The following SH3RF3 variants were observed in gnomAD, a reference collection of about 807,000 sequenced individuals.
SH3RF3 encodes E3 ubiquitin-protein ligase SH3RF3.
In SH3RF3, 29 loss-of-function variants were observed where a neutral mutation model predicts 66.3. The observed-to-expected ratio is 0.44, with a 90% CI of 0.33 to 0.60. The LOEUF (loss-of-function observed/expected upper bound fraction) is 0.60, where lower values mean the gene tolerates loss of function less well. Among genes scored for constraint, SH3RF3 ranks in the 20% least tolerant of loss-of-function variants. The pLI is 0.04. For missense variants in SH3RF3, 1,194 were observed against 1,190.9 expected (o/e 1.00, Z -0.04); for synonymous variants, 583 against 532.0 (o/e 1.10, Z -1.32).
At chr2:109,394,542 G>A (rs1676088929) in intron 3 of SH3RF3, among the ~76,000 whole-genome samples, 2 of 152,346 alleles carry the variant, frequency 1.3e-5, no homozygotes, top group South Asian at 4.1e-4. Flanking sequence ...AAGTTACCGA[G>A]ATGTTTAAAA....
intron 1 of SH3RF3, among the ~76,000 whole-genome samples, chr2:109,273,299 C>G (rs910629801): frequency 6.6e-6 from 1 of 152,224 alleles, no homozygotes; most frequent in Non-Finnish European, 1.5e-5. Flanking sequence ...ACTCAGGGCC[C>G]TGGAGGCAGA....
At chr2:109,343,999 C>T (rs1412583351) in intron 1 of SH3RF3, among the ~76,000 whole-genome samples, 1 of 152,200 alleles carries the variant, frequency 6.6e-6, no homozygotes, top group African/African-American at 2.4e-5. Flanking sequence ...CATCCTCAGC[C>T]TCCCAAAGTG....
intron 1 of SH3RF3, among the ~76,000 whole-genome samples, chr2:109,225,084 GACCA>G (rs1216512331): frequency 6.6e-6 from 1 of 152,226 alleles, no homozygotes; most frequent in East Asian, 1.9e-4. Flanking sequence ...TTTTCGTTTA[GACCA>G]ACCAACTAAG....
chr2:109,255,547 A>G (rs1178035974), intron 1 of SH3RF3, among the ~76,000 whole-genome samples: 2 of 152,230 alleles, frequency 1.3e-5, no homozygotes, highest in African/African-American at 2.4e-5. Context: ...AATCATCTTG[A>G]TAGTTGTTCT....
intron 5 of SH3RF3, among the ~76,000 whole-genome samples, chr2:109,431,948 C>T (rs1677230555): frequency 6.6e-6 from 1 of 152,154 alleles, no homozygotes; most frequent in Admixed American, 6.5e-5. Context: ...CTAACTTAAC[C>T]ACCTTTCCCT....
intron 1 of SH3RF3, among the ~76,000 whole-genome samples, chr2:109,265,458 C>T (rs1680466786): frequency 1.3e-5 from 2 of 152,230 alleles, no homozygotes. Context: ...GCCCCCACCT[C>T]CCAGCGTGGA....
chr2:109,230,830 C>G (rs1679489422), intron 1 of SH3RF3, among the ~76,000 whole-genome samples: 2 of 152,170 alleles, frequency 1.3e-5, no homozygotes, highest in South Asian at 4.1e-4. Flanking sequence ...ATAAAAAATT[C>G]CACTTCATTT....
intron 1 of SH3RF3, among the ~76,000 whole-genome samples, chr2:109,324,274 T>G (rs1682097403): frequency 6.6e-6 from 1 of 152,198 alleles, no homozygotes; most frequent in Admixed American, 6.5e-5. Context: ...TGACTATTGA[T>G]GTACAAGTTT....
intron 1 of SH3RF3, among the ~76,000 whole-genome samples, chr2:109,141,268 G>A (rs945841052): frequency 7.2e-5 from 11 of 152,280 alleles, no homozygotes; most frequent in South Asian, 2.1e-4. Context: ...TGGGCCGTGC[G>A]CATTCCTGGC....
chr2:109,210,564 A>G (rs12619389), intron 1 of SH3RF3, among the ~76,000 whole-genome samples: 42,704 of 152,044 alleles, frequency 0.28, 6,350 homozygotes, highest in East Asian at 0.46. Flanking sequence ...CTCAGGGCAA[A>G]TGGCCTAAGC....
intron 2 of SH3RF3, among the ~76,000 whole-genome samples, chr2:109,371,160 G>A (rs371642914): frequency 6.8e-4 from 103 of 152,262 alleles, no homozygotes; most frequent in African/African-American, 2.0e-3. Flanking sequence ...AGGCCAAGGC[G>A]GGCAGATTGC....
At chr2:109,253,734 G>A (rs1680151969) in intron 1 of SH3RF3, among the ~76,000 whole-genome samples, 1 of 152,108 alleles carries the variant, frequency 6.6e-6, no homozygotes, top group African/African-American at 2.4e-5. Flanking sequence ...GGTTATTAAA[G>A]CACCAGGCCA....
At chr2:109,200,900 C>A (rs1464833440) in intron 1 of SH3RF3, among the ~76,000 whole-genome samples, 3 of 152,194 alleles carry the variant, frequency 2.0e-5, no homozygotes, top group Non-Finnish European at 4.4e-5. Flanking sequence ...TCATGTCACT[C>A]CTCCTTGGGC....
At chr2:109,155,473 T>C (rs1339545965) in intron 1 of SH3RF3, among the ~76,000 whole-genome samples, 1 of 152,132 alleles carries the variant, frequency 6.6e-6, no homozygotes, top group African/African-American at 2.4e-5. Flanking sequence ...TGGCTAATTT[T>C]TGTATTTTTA....
intron 1 of SH3RF3, among the ~76,000 whole-genome samples, chr2:109,217,230 C>T (rs1415141438): frequency 1.3e-5 from 2 of 152,246 alleles, no homozygotes; most frequent in African/African-American, 4.8e-5. Flanking sequence ...AGCAATCACT[C>T]TTTTAATAAA....
chr2:109,442,135 C>T (rs1174006671), intron 7 of SH3RF3, among the ~76,000 whole-genome samples: 1 of 151,888 alleles, frequency 6.6e-6, no homozygotes, highest in Non-Finnish European at 1.5e-5. Context: ...CACAGTGAAA[C>T]CCCGTCTCTA....
chr2:109,284,958 C>A (rs1680993486), intron 1 of SH3RF3, among the ~76,000 whole-genome samples: 1 of 152,222 alleles, frequency 6.6e-6, no homozygotes, highest in Non-Finnish European at 1.5e-5. Context: ...ACATTCTGGC[C>A]TTGTGCCATC....
At chr2:109,223,586 C>A (rs1045498379) in intron 1 of SH3RF3, among the ~76,000 whole-genome samples, 1 of 151,906 alleles carries the variant, frequency 6.6e-6, no homozygotes, top group Non-Finnish European at 1.5e-5. Flanking sequence ...ATTCAAGCAT[C>A]GGTGGAGGGC....
intron 1 of SH3RF3, among the ~76,000 whole-genome samples, chr2:109,292,828 G>A (rs1253569095): frequency 6.6e-6 from 1 of 152,186 alleles, no homozygotes; most frequent in African/African-American, 2.4e-5. Flanking sequence ...TGCCTCCCAG[G>A]TTAAAGCGAT....
Sources: gnomAD v4.1 joint callset for allele counts (sites outside exome capture counted in the v4.1 genomes callset) on GRCh38, gnomAD v4.1.1 for gene constraint, MANE v1.5 for transcripts, NCBI Gene and HGNC (gene_info 2026-07-23, HGNC 2026-07-21) for gene names.